TMEM71: variants seen among roughly 807,000 people sequenced by gnomAD.
The protein encoded by TMEM71 is transmembrane protein 71.
Under a neutral mutation model 38.0 loss-of-function variants are expected in TMEM71, and 44 were observed. The observed-to-expected ratio is 1.16, with a 90% CI of 0.91 to 1.49. The LOEUF (loss-of-function observed/expected upper bound fraction) is 1.49, where lower values mean the gene tolerates loss of function less well. TMEM71 is among the 40% of genes most tolerant of loss of function. The pLI, the probability that TMEM71 is intolerant of heterozygous loss-of-function variation, is 0.00. For missense variants in TMEM71, 367 were observed against 348.6 expected (o/e 1.05, Z -0.42); for synonymous variants, 133 against 122.5 (o/e 1.09, Z -0.56).
intron 5 of TMEM71, among the ~76,000 whole-genome samples, chr8:132,744,852 A>T (rs1484739899): frequency 6.6e-6 from 1 of 152,218 alleles, no homozygotes; most frequent in African/African-American, 2.4e-5. Context: ...ACGAAATGGA[A>T]TAGAGAACCC....
intron 2 of TMEM71, among the ~76,000 whole-genome samples, chr8:132,757,753 G>A (rs1033831109): frequency 6.6e-6 from 1 of 151,396 alleles, no homozygotes; most frequent in Non-Finnish European, 1.5e-5. Context: ...GTGAACCTGG[G>A]AGGCAGAGCT....
downstream of TMEM71, among the ~76,000 whole-genome samples, chr8:132,708,637 T>A (rs76079315): frequency 1.3e-5 from 2 of 152,200 alleles, no homozygotes; most frequent in South Asian, 4.1e-4. Flanking sequence ...CTGGAAGATA[T>A]CTGCATTCCA....
intron 5 of TMEM71, among the ~76,000 whole-genome samples, chr8:132,734,229 T>A (rs1827621986): frequency 6.6e-6 from 1 of 151,964 alleles, no homozygotes; most frequent in African/African-American, 2.4e-5. Context: ...ACATGTTGGG[T>A]ATGTCTATTA....
At chr8:132,736,758 G>A (rs781115750) in intron 5 of TMEM71, among the ~76,000 whole-genome samples, 67 of 151,940 alleles carry the variant, frequency 4.4e-4, no homozygotes, top group Non-Finnish European at 9.0e-4. Context: ...TTGAGCCCAC[G>A]AGGTGGAGGT....
chr8:132,731,985 T>G (rs1827483966), intron 5 of TMEM71, among the ~76,000 whole-genome samples: 1 of 152,082 alleles, frequency 6.6e-6, no homozygotes, highest in Non-Finnish European at 1.5e-5. Flanking sequence ...GGAGCAAAAG[T>G]AAGGCGGGAG....
chr8:132,739,614 A>G (rs1042604034), intron 5 of TMEM71, among the ~76,000 whole-genome samples: 1 of 151,970 alleles, frequency 6.6e-6, no homozygotes, highest in Non-Finnish European at 1.5e-5. Flanking sequence ...TCAGGCCCCA[A>G]CTCTGCTGTT....
upstream of TMEM71, among the ~76,000 whole-genome samples, chr8:132,762,643 T>C (rs149180798): frequency 2.3e-4 from 35 of 152,340 alleles, no homozygotes; most frequent in African/African-American, 8.4e-4. Context: ...GATGCTGTAT[T>C]ATTATTCTCA....
rs1826171132 is a variant in TMEM71 at position 132,710,249 on chromosome 8, T to A, written c.*718A>T. On this transcript the variant is annotated 3_prime_UTR_variant, in exon 10 of 10. Transcript: ENST00000677595. Reference sequence around the variant, plus strand: ...AGCGCATTGGTGTTTTGCCTATATTTTGCCCTCAAGGCATTTTTCTGTGTT... The same window carrying A: ...AGCGCATTGGTGTTTTGCCTATATTATGCCCTCAAGGCATTTTTCTGTGTT... 1 of 152,192 alleles carries A rather than the reference T, an allele frequency of 6.6e-6. No homozygotes were observed. The highest frequency in any genetic ancestry group is 2.4e-5 in the African/African-American group (1 of 41,440). The allele number at this position is 152,192 out of a possible 1,614,324, so 9.4% of individuals were successfully genotyped here.
At chr8:132,764,330 C>T (rs980320415), upstream of TMEM71, among the ~76,000 whole-genome samples, 7 of 150,748 alleles carry the variant, frequency 4.6e-5, no homozygotes, top group Admixed American at 4.0e-4. Flanking sequence ...CACTTGTTGC[C>T]TGGACTTCCA....
intron 5 of TMEM71, among the ~76,000 whole-genome samples, chr8:132,741,211 A>C (rs1828015147): frequency 6.6e-6 from 1 of 151,980 alleles, no homozygotes; most frequent in African/African-American, 2.4e-5. Flanking sequence ...AAAAATACAA[A>C]AGTTAGCTGG....
intron 9 of TMEM71, among the ~76,000 whole-genome samples, chr8:132,711,760 G>T (rs1458111665): frequency 6.6e-6 from 1 of 152,112 alleles, no homozygotes; most frequent in Admixed American, 6.5e-5. Context: ...TTATGAAAAG[G>T]GATATGATGT....
chr8:132,718,400 T>C (rs999025366), intron 7 of TMEM71, among the ~76,000 whole-genome samples: 3 of 138,520 alleles, frequency 2.2e-5, no homozygotes, highest in Non-Finnish European at 4.7e-5. Context: ...GATTTTCTCT[T>C]TTTTTTTTTT....
chr8:132,716,820 A>G lies in TMEM71; in HGVS notation c.753-2605T>C, dbSNP rs532339455. Among the ~76,000 whole-genome samples, 25 of 152,234 alleles carry G rather than the reference A, an allele frequency of 1.6e-4. No homozygotes were observed. In the South Asian group the frequency reaches 2.7e-3, roughly 16 times the overall value. On this transcript the variant is annotated intron_variant, in intron 7 of 9. Transcript: ENST00000677595. The stretch of plus-strand genomic sequence containing the variant: ...TCTTTCCCACCCCATCTCTAACTTT[A>G]TTACTACATCTATCTCTATGGCACT...
At chr8:132,762,411 C>T (rs1159265140), upstream of TMEM71, among the ~76,000 whole-genome samples, 1 of 152,144 alleles carries the variant, frequency 6.6e-6, no homozygotes, top group African/African-American at 2.4e-5. Context: ...TTATTCGAGA[C>T]CCTCTGCTCT....
intron 5 of TMEM71, 102 bp from the exon 6 acceptor site, chr8:132,728,088 A>G (rs1827255768): frequency 1.2e-6 from 1 of 853,322 alleles, no homozygotes; most frequent in African/African-American, 1.7e-5. Context: ...CCTAATAATC[A>G]CAAAAATAGT....
chr8:132,745,154 A>T (rs1828265993), intron 5 of TMEM71, among the ~76,000 whole-genome samples: 2 of 152,232 alleles, frequency 1.3e-5, no homozygotes, highest in Admixed American at 6.5e-5. Flanking sequence ...AGCAATTGCA[A>T]CAAAAACAAA....
intron 6 of TMEM71, among the ~76,000 whole-genome samples, chr8:132,722,335 A>G (rs1040132220): frequency 6.6e-6 from 1 of 152,214 alleles, no homozygotes; most frequent in Admixed American, 6.5e-5. Flanking sequence ...ACTTTCTTCA[A>G]TCACTATAAA....
At chr8:132,768,822 C>G in the TMEM71 span, among the ~76,000 whole-genome samples, 2 of 152,228 alleles carry the variant, frequency 1.3e-5, no homozygotes, top group Non-Finnish European at 2.9e-5. Flanking sequence ...TTTGAATGTC[C>G]ACAATTACCT....
At chr8:132,754,367 T>G (rs77452607) in intron 3 of TMEM71, among the ~76,000 whole-genome samples, 107 of 152,326 alleles carry the variant, frequency 7.0e-4, no homozygotes, top group Admixed American at 1.4e-3. Context: ...GTACCTTTCC[T>G]CTCTTAGACT....
Sources: allele counts gnomAD v4.1 joint callset (sites outside exome capture counted in the v4.1 genomes callset), GRCh38; gene constraint gnomAD v4.1.1; transcripts MANE v1.5; gene names NCBI Gene and HGNC (gene_info 2026-07-23, HGNC 2026-07-21).